ANKRD13B: variants seen among roughly 807,000 people sequenced by gnomAD.
ANKRD13B encodes ankyrin repeat domain 13B.
In ANKRD13B, 33 loss-of-function variants were observed where a neutral mutation model predicts 74.4. The ratio of observed to expected loss-of-function variants is 0.44; its 90% CI spans 0.34 to 0.59. The LOEUF (loss-of-function observed/expected upper bound fraction) is 0.59. Among genes scored for constraint, ANKRD13B ranks in the 20% least tolerant of loss-of-function variants. The pLI is 0.02. For synonymous variants in ANKRD13B, 341 were observed against 362.9 expected (o/e 0.94, Z 0.68); for missense variants, 676 against 877.9 (o/e 0.77, Z 2.91).
In ANKRD13B at chr17:29,598,120, G is replaced by A. The variant is rs960377138; in HGVS notation, c.114+4385G>A. On this transcript the variant is annotated intron_variant, in intron 1 of 14. Coordinates refer to ENST00000394859, the MANE Select transcript of ANKRD13B (RefSeq NM_152345.5). Reference sequence around the variant, plus strand: ...GGACCCCACCCAGGTTGCAAGCCCCGGAGTCCAGCCCAACCAGGATTGGAC... The same window carrying A: ...GGACCCCACCCAGGTTGCAAGCCCCAGAGTCCAGCCCAACCAGGATTGGAC... Among the ~76,000 whole-genome samples, 66 of 152,030 alleles carry A rather than the reference G, an allele frequency of 4.3e-4. 1 individual carries two copies. Among genetic ancestry groups the A allele is most frequent in the African/African-American group, 1.5e-3 (62 of 41,392 alleles).
chr17:29,593,221 G>T lies in ANKRD13B; in HGVS notation c.-401G>T, dbSNP rs1598589539. ...ATGCAGCTGTGGGGACCCGGGGGCT[G>T]CGGGCGCGCGTCCCTGCGGCGGCGT... On this transcript the variant is annotated 5_prime_UTR_variant, in exon 1 of 15. Transcript: ENST00000394859. Among the ~76,000 whole-genome samples, 2 of 150,504 alleles carry T rather than the reference G, an allele frequency of 1.3e-5. No homozygotes were observed. Among genetic ancestry groups the T allele is most frequent in the Admixed American group, 1.3e-4 (2 of 15,146 alleles).
At position 29,613,396 on chromosome 17, in the gene ANKRD13B, G is replaced by A. The variant is rs554202299; in HGVS notation, c.1695G>A (p.Ala565=). The A allele has an allele frequency of 6.0e-6, 9 of 1,489,530 alleles. No individual in the cohort carries two copies. The East Asian group carries it at 2.0e-4, about 33-fold the overall frequency. The allele number at this position is 1,489,530 out of a possible 1,614,324, so 92.3% of individuals were successfully genotyped here. A position where few individuals can be genotyped will look rare whatever the true frequency, so the allele number is the denominator to read the frequency against. Residue 565 remains alanine (A), a synonymous_variant, in exon 15 of 15, where the codon GCG becomes GCA. Coordinates refer to ENST00000394859, the MANE Select transcript of ANKRD13B (RefSeq NM_152345.5). ...PTPQRQPAPP[A]SVPSPRPSSG... Reference sequence around the variant, plus strand: ...CGCAGCGCCAGCCTGCGCCCCCGGCGTCAGTGCCCAGCCCTCGGCCCAGCT... The same window carrying A: ...CGCAGCGCCAGCCTGCGCCCCCGGCATCAGTGCCCAGCCCTCGGCCCAGCT...
chr17:29,598,281 A>G (rs906418288), intron 1 of ANKRD13B, among the ~76,000 whole-genome samples: 2 of 152,214 alleles, frequency 1.3e-5, no homozygotes, highest in African/African-American at 4.8e-5. Context: ...TAAAAATTAT[A>G]TAAATAATCT....
At chr17:29,606,084 G>C (rs576763552) in intron 1 of ANKRD13B, among the ~76,000 whole-genome samples, 1 of 151,364 alleles carries the variant, frequency 6.6e-6, no homozygotes, top group African/African-American at 2.4e-5. Context: ...GGCTAATTTT[G>C]TATTTTTAGT....
At chr17:29,600,235 T>C (rs1330537755) in intron 1 of ANKRD13B, among the ~76,000 whole-genome samples, 2 of 152,192 alleles carry the variant, frequency 1.3e-5, no homozygotes, top group Non-Finnish European at 2.9e-5. Flanking sequence ...TCATCAAGTG[T>C]CCAGTTTCTC....
At position 29,613,496 on chromosome 17, in the gene ANKRD13B, C is replaced by A. The variant is rs1036383905; in HGVS notation, c.1795C>A (p.Gln599Lys). The change falls in exon 15 of 15, where the codon CAG becomes AAG. Residue 599 changes from glutamine to lysine, a missense_variant. Around this residue, in one of 4 missense-constraint regions of ANKRD13B, gnomAD observed 108 missense variants for 90.3 expected, o/e 1.20. Transcript: ENST00000394859. Reference protein sequence around the residue: ...QLRLAMELSAQEQEERRRRAR... With the variant: ...QLRLAMELSAKEQEERRRRAR... The stretch of plus-strand genomic sequence containing the variant: ...GCGGCTGGCGATGGAACTGTCGGCG[C>A]AGGAGCAGGAGGAGAGGCGGCGGCG... 13 of 1,531,898 alleles carry A rather than the reference C, an allele frequency of 8.5e-6. No individual in the cohort carries two copies. The highest frequency in any genetic ancestry group is 1.1e-5 in the Non-Finnish European group (12 of 1,141,290). 94.9% of individuals were successfully genotyped at this position (1,531,898 alleles called of 1,614,324 possible). A position where few individuals can be genotyped will look rare whatever the true frequency, so the allele number is the denominator to read the frequency against.
intron 1 of ANKRD13B, among the ~76,000 whole-genome samples, chr17:29,605,415 A>ACAC (rs1567789763): frequency 2.7e-5 from 4 of 149,512 alleles, no homozygotes; most frequent in Admixed American, 6.7e-5. Context: ...TACACACACA[A>ACAC]ACACACACAC....
At chr17:29,606,073 T>C (rs1228817717) in intron 1 of ANKRD13B, among the ~76,000 whole-genome samples, 4 of 151,676 alleles carry the variant, frequency 2.6e-5, no homozygotes, top group Non-Finnish European at 4.4e-5. Flanking sequence ...CCACCACGCC[T>C]GGCTAATTTT....
At chr17:29,613,095 C>A (rs1358015694) in intron 14 of ANKRD13B, 132 bp downstream of exon 14, 12 of 1,305,760 alleles carry the variant, frequency 9.2e-6, no homozygotes, top group Non-Finnish European at 1.3e-5. Flanking sequence ...TGCCACCACT[C>A]CTGCCTCCGA....
At chr17:29,606,728 TAAAAAAAAA>T (rs370548766) in intron 1 of ANKRD13B, among the ~76,000 whole-genome samples, 54 of 62,972 alleles carry the variant, frequency 8.6e-4, no homozygotes, top group South Asian at 1.3e-3. Context: ...CTGTCTCAAG[TAAAAAAAAA>T]AAAAAAAAAA....
At chr17:29,613,075 G>C in intron 14 of ANKRD13B, 112 bp downstream of exon 14, 1 of 1,411,714 alleles carries the variant, frequency 7.1e-7, no homozygotes, top group Non-Finnish European at 9.6e-7. Context: ...CCTGGTATCG[G>C]GATGGCTTCT....
rs775165390 is a variant in ANKRD13B at position 29,610,785 on chromosome 17, A to T, written c.904+19A>T. ...GTCAAAGGTAATGAGGCAGAGCTGG[A>T]TGGGGAGAGGTGTTGCAGGACTGCG... On this transcript the variant is annotated intron_variant, in intron 8 of 14. Transcript: ENST00000394859. The T allele has an allele frequency of 6.2e-7, 1 of 1,612,806 alleles. No homozygotes were observed. The highest frequency in any genetic ancestry group is 1.1e-5 in the South Asian group (1 of 90,884).
At position 29,612,587 on chromosome 17, in the gene ANKRD13B, G is replaced by T; in HGVS notation, c.1411+33G>T. On this transcript the variant is annotated intron_variant, in intron 12 of 14. Coordinates refer to ENST00000394859, the MANE Select transcript of ANKRD13B (RefSeq NM_152345.5). The surrounding 1 kb of genome is among the most constrained non-coding windows in gnomAD (Gnocchi z 6.1). ...CCCCCGCGAGAACGCCTGCCCCTCG[G>T]CTCTCCCCGGGGTGGGTGGGAGGGG... The T allele has an allele frequency of 7.9e-7, 1 of 1,261,854 alleles. No individual in the cohort carries two copies. Among genetic ancestry groups the T allele is most frequent in the Non-Finnish European group, 1.1e-6 (1 of 946,706 alleles). 78.2% of individuals were successfully genotyped at this position (1,261,854 alleles called of 1,614,324 possible). A position where few individuals can be genotyped will look rare whatever the true frequency, so the allele number is the denominator to read the frequency against.
intron 2 of ANKRD13B, 37 bp from the exon 3 acceptor site, chr17:29,607,949 G>A (rs772809740): frequency 6.3e-7 from 1 of 1,580,514 alleles, no homozygotes; most frequent in Middle Eastern, 1.7e-4. Flanking sequence ...GTTGGCTGAA[G>A]GGTCCTGCCC....
intron 1 of ANKRD13B, among the ~76,000 whole-genome samples, chr17:29,601,879 A>G (rs988611344): frequency 6.6e-6 from 1 of 152,196 alleles, no homozygotes; most frequent in Non-Finnish European, 1.5e-5. Flanking sequence ...TGAGAAGAAT[A>G]TAGTATTTCC....
At chr17:29,595,244 A>G (rs2033913910) in intron 1 of ANKRD13B, among the ~76,000 whole-genome samples, 3 of 152,224 alleles carry the variant, frequency 2.0e-5, no homozygotes, top group African/African-American at 7.2e-5. Context: ...CTGGTGAAGC[A>G]AGTGTGAACA....
chr17:29,608,304 G>T lies in ANKRD13B; in HGVS notation c.421+64G>T. On this transcript the variant is annotated intron_variant, in intron 4 of 14. Coordinates refer to ENST00000394859, the MANE Select transcript of ANKRD13B (RefSeq NM_152345.5). The surrounding 1 kb of genome is among the most constrained non-coding windows in gnomAD (Gnocchi z 6.4). ...CTTTAGGTCCTGCGCTTGCTCCCCT[G>T]CCTGGAATGTGTTCTCATAGTTCTT... The T allele has an allele frequency of 1.2e-6, 2 of 1,602,380 alleles. No homozygotes were observed. The highest frequency in any genetic ancestry group is 1.7e-6 in the Non-Finnish European group (2 of 1,171,794).
At chr17:29,613,277 G>A in intron 14 of ANKRD13B, 77 bp from the exon 15 acceptor site, 1 of 1,390,384 alleles carries the variant, frequency 7.2e-7, no homozygotes, top group Non-Finnish European at 9.2e-7. Context: ...CCGCCCTGGA[G>A]CCTCCACGCC....
intron 8 of ANKRD13B, among the ~76,000 whole-genome samples, 194 bp downstream of exon 8, chr17:29,610,960 A>C (rs1300028212): frequency 2.6e-5 from 4 of 152,216 alleles, no homozygotes; most frequent in African/African-American, 4.8e-5. Context: ...GAAGTTTCTA[A>C]GGACTCATCT....
Sources: gnomAD v4.1 joint callset for allele counts (sites outside exome capture counted in the v4.1 genomes callset) on GRCh38, gnomAD v4.1.1 for gene constraint, gnomAD v4.1.1 regional missense constraint, Gnocchi (gnomAD v3.1) non-coding constraint, MANE v1.5 for transcripts, NCBI Gene and HGNC (gene_info 2026-07-23, HGNC 2026-07-21) for gene names.